Variants in AFDN observed in about 807,000 individuals in gnomAD.
AFDN encodes the protein afadin, adherens junction formation factor.
Under a neutral mutation model 216.6 loss-of-function variants are expected in AFDN, and 68 were observed. The ratio of observed to expected loss-of-function variants is 0.31; its 90% CI spans 0.26 to 0.38. The LOEUF (loss-of-function observed/expected upper bound fraction) is 0.38, where lower values mean the gene tolerates loss of function less well. Among genes scored for constraint, AFDN ranks in the 10% least tolerant of loss-of-function variants. The pLI, the probability that AFDN is intolerant of heterozygous loss-of-function variation, is 1.00. For missense variants in AFDN, 2,136 were observed against 2,342.0 expected, an observed-to-expected ratio of 0.91 and a Z score of 1.82; for synonymous variants, 868 against 853.7, an observed-to-expected ratio of 1.02 and a Z score of -0.29.
intron 18 of AFDN, 80 bp downstream of exon 18, chr6:167,914,818 TG>T: frequency 2.1e-6 from 2 of 965,992 alleles, no homozygotes; most frequent in Non-Finnish European, 3.2e-6. Flanking sequence ...CGTAGGTAAG[TG>T]GAGGTGTTTT....
chr6:167,838,073 T>A (rs1388601475), intron 1 of AFDN, among the ~76,000 whole-genome samples: 4 of 152,352 alleles, frequency 2.6e-5, no homozygotes, highest in African/African-American at 9.6e-5. Flanking sequence ...ATTCTGTGTT[T>A]TGTAGCCAAG....
At chr6:167,866,934 G>C (rs1176893467) in intron 2 of AFDN, among the ~76,000 whole-genome samples, 2 of 152,174 alleles carry the variant, frequency 1.3e-5, no homozygotes, top group Non-Finnish European at 2.9e-5. Context: ...CAAACCTTCA[G>C]CCACCAGGGA....
chr6:167,932,935 T>G (rs1482875478), intron 23 of AFDN, among the ~76,000 whole-genome samples: 6 of 152,248 alleles, frequency 3.9e-5, no homozygotes, highest in Non-Finnish European at 8.8e-5. Context: ...TTGCTACTTT[T>G]GTGCTGCAAA....
chr6:167,947,124 A>G (rs1264972505), intron 27 of AFDN, among the ~76,000 whole-genome samples: 1 of 152,136 alleles, frequency 6.6e-6, no homozygotes, highest in African/African-American at 2.4e-5. Flanking sequence ...CATTAATAAC[A>G]TCTCTATTTG....
At position 167,944,113 on chromosome 6, in the gene AFDN, G is replaced by A. The variant is rs1012333188; in HGVS notation, c.3358+54G>A. On this transcript the variant is annotated intron_variant, in intron 26 of 33. Coordinates refer to ENST00000683244, the MANE Select transcript of AFDN (RefSeq NM_001386888.1). Reference sequence around the variant, plus strand: ...TTTACAGTCATGGCCTCTTTGAATGGTCACAAAACCCCCATGGAGGAGGTA... The same window carrying A: ...TTTACAGTCATGGCCTCTTTGAATGATCACAAAACCCCCATGGAGGAGGTA... The A allele has an allele frequency of 2.2e-6, 3 of 1,369,088 alleles. No homozygotes were observed. The African/African-American group carries it at 4.3e-5, about 20-fold the overall frequency. 84.8% of individuals were successfully genotyped at this position (1,369,088 alleles called of 1,614,324 possible).
chr6:167,838,405 G>A (rs546127546), intron 1 of AFDN, among the ~76,000 whole-genome samples: 1 of 152,176 alleles, frequency 6.6e-6, no homozygotes, highest in South Asian at 2.1e-4. Context: ...TGTTGCCCTA[G>A]CCCTTCCCTG....
At chr6:167,831,180 G>A (rs1010981467) in intron 1 of AFDN, among the ~76,000 whole-genome samples, 2 of 152,050 alleles carry the variant, frequency 1.3e-5, no homozygotes, top group African/African-American at 4.8e-5. Flanking sequence ...GGCCTCAGGT[G>A]ATCTGCCTGG....
chr6:167,881,309 C>G (rs17165151), intron 6 of AFDN, among the ~76,000 whole-genome samples: 1,855 of 152,282 alleles, frequency 0.012, 23 homozygotes, highest in South Asian at 0.027. Flanking sequence ...ATGAATACAG[C>G]TCAACTTTAG....
intron 29 of AFDN, 51 bp downstream of exon 29, chr6:167,948,529 A>T (rs1208851553): frequency 1.3e-6 from 2 of 1,521,676 alleles, no homozygotes; most frequent in African/African-American, 1.4e-5. Context: ...AGGAGGACAC[A>T]CTGAGTTCTG....
Position 167,918,721 on chromosome 6 carries a change from T to G in AFDN, c.2710-14T>G. ...GAGCATCTCTTTTTAATTTTGCGTT[T>G]GTTTTCCAAACAGGATCTTATAGAA... On this transcript the variant is annotated splice_polypyrimidine_tract_variant and intron_variant, in intron 20 of 33. Coordinates refer to ENST00000683244, the MANE Select transcript of AFDN (RefSeq NM_001386888.1). The G allele has an allele frequency of 6.2e-7, 1 of 1,613,896 alleles. No homozygotes were observed. The highest frequency in any genetic ancestry group is 8.5e-7 in the Non-Finnish European group (1 of 1,179,952).
chr6:167,846,187 T>C (rs965653148), intron 1 of AFDN, among the ~76,000 whole-genome samples: 2 of 152,000 alleles, frequency 1.3e-5, no homozygotes, highest in Non-Finnish European at 2.9e-5. Context: ...TAGGTAGCAG[T>C]TTATCAGAGC....
At chr6:167,901,735 G>A (rs1788982535) in intron 11 of AFDN, among the ~76,000 whole-genome samples, 2 of 152,060 alleles carry the variant, frequency 1.3e-5, no homozygotes, top group African/African-American at 4.8e-5. Context: ...TTGCTGCCTG[G>A]ATAGACTTAC....
intron 6 of AFDN, among the ~76,000 whole-genome samples, chr6:167,888,470 G>A (rs1476504608): frequency 1.3e-5 from 2 of 152,156 alleles, no homozygotes; most frequent in Non-Finnish European, 2.9e-5. Context: ...GTGTGTTAGA[G>A]TGAAGATGGA....
At chr6:167,969,308 C>A in intron 33 of AFDN, 110 bp downstream of exon 33, 1 of 822,726 alleles carries the variant, frequency 1.2e-6, no homozygotes, top group Non-Finnish European at 2.1e-6. Flanking sequence ...CACTCTGTGA[C>A]CTCACCTGGA....
At chr6:167,830,415 T>A (rs970836757) in intron 1 of AFDN, among the ~76,000 whole-genome samples, 16 of 152,352 alleles carry the variant, frequency 1.1e-4, no homozygotes, top group Non-Finnish European at 1.0e-4. Context: ...GGAAAGAATG[T>A]TGAATATGGC....
At chr6:167,927,664 C>T (rs1792741594) in intron 23 of AFDN, among the ~76,000 whole-genome samples, 1 of 152,102 alleles carries the variant, frequency 6.6e-6, no homozygotes, top group Non-Finnish European at 1.5e-5. Flanking sequence ...TAAGCTGCCT[C>T]TCAGAGACCA....
chr6:167,834,457 G>GTTTT lies in AFDN; in HGVS notation c.105+7239_105+7242dup, dbSNP rs11446838. 6.6e-3 allele frequency among the ~76,000 whole-genome samples: 497 copies of GTTTT among 75,232 alleles called. 24 individuals carry two copies. Among genetic ancestry groups the GTTTT allele is most frequent in the African/African-American group, 0.014 (262 of 19,120 alleles). The allele number at this position is 75,232 out of a possible 152,430, so 49.4% of individuals were successfully genotyped here. On this transcript the variant is annotated intron_variant, in intron 1 of 33. Coordinates refer to ENST00000683244, the MANE Select transcript of AFDN (RefSeq NM_001386888.1). ...GATTTTTGTTGTTGTTGTTGTTTCGGTTTTTTTTTTTTTTTTTTTTTTCGA... is the reference window on the plus strand; with the variant it reads ...GATTTTTGTTGTTGTTGTTGTTTCGGTTTTTTTTTTTTTTTTTTTTTTTTTTCGA...
At chr6:167,904,173 T>C (rs974712277) in intron 12 of AFDN, among the ~76,000 whole-genome samples, 8 of 152,116 alleles carry the variant, frequency 5.3e-5, no homozygotes, top group South Asian at 2.1e-4. Flanking sequence ...AATGTGTACC[T>C]TTGGTTCTGA....
At chr6:167,884,668 G>T (rs1562606742) in intron 6 of AFDN, among the ~76,000 whole-genome samples, 1 of 152,118 alleles carries the variant, frequency 6.6e-6, no homozygotes, top group Non-Finnish European at 1.5e-5. Context: ...GTAAATAGAT[G>T]TGTTGACATC....
Sources: gnomAD v4.1 joint callset for allele counts (sites outside exome capture counted in the v4.1 genomes callset) on GRCh38, gnomAD v4.1.1 for gene constraint, MANE v1.5 for transcripts, NCBI Gene and HGNC (gene_info 2026-07-23, HGNC 2026-07-21) for gene names.